PTPRC: variants seen among roughly 807,000 people sequenced by gnomAD.
PTPRC encodes the protein receptor-type tyrosine-protein phosphatase C.
In PTPRC, 44 loss-of-function variants were observed where a neutral mutation model predicts 155.9. The ratio of observed to expected loss-of-function variants is 0.28; its 90% confidence interval spans 0.22 to 0.36. PTPRC has a LOEUF of 0.36. PTPRC is among the 10% of genes least tolerant of loss of function. The probability of loss-of-function intolerance (pLI) is 1.00; values close to 1 mark genes in which losing one functional copy is unlikely to be tolerated. For synonymous variants in PTPRC, 525 were observed against 533.1 expected, an observed-to-expected ratio of 0.98 and a Z score of 0.21; for missense variants, 1,401 against 1,564.6, an observed-to-expected ratio of 0.90 and a Z score of 1.76.
intron 23 of PTPRC, among the ~76,000 whole-genome samples, chr1:198,735,806 A>G (rs1057483516): frequency 5.9e-5 from 9 of 151,564 alleles, no homozygotes; most frequent in Non-Finnish European, 1.0e-4. Flanking sequence ...GCAAGTCAAT[A>G]AAGACAGAAA....
intron 27 of PTPRC, 131 bp from the exon 28 acceptor site, chr1:198,749,285 T>A: frequency 1.1e-6 from 1 of 881,462 alleles, no homozygotes; most frequent in Non-Finnish European, 1.8e-6. Context: ...TATAGGATCT[T>A]ATTTCATGTA....
At position 198,734,452 on chromosome 1, in the gene PTPRC, G is replaced by C. The variant is rs751468190; in HGVS notation, c.2277+27G>C. 2.1e-5 allele frequency: 34 copies of C among 1,597,714 alleles called. 1 individual carries two copies. The South Asian group carries it at 2.4e-4, about 11-fold the overall frequency. On this transcript the variant is annotated intron_variant, in intron 22 of 32. Coordinates refer to ENST00000442510, the MANE Select transcript of PTPRC (RefSeq NM_002838.5). ...TAAGAACCAAGAAGATTCATAGTGT[G>C]GGTCTTGGGGTTAGGAAAACAAGGT...
At chr1:198,714,481 A>G (rs2102432859) in intron 12 of PTPRC, among the ~76,000 whole-genome samples, 1 of 152,270 alleles carries the variant, frequency 6.6e-6, no homozygotes, top group Admixed American at 6.5e-5. Flanking sequence ...ACAGCTGTCC[A>G]CATAGAACAC....
At chr1:198,709,864 C>T in intron 11 of PTPRC, 40 bp downstream of exon 11, 2 of 1,600,952 alleles carry the variant, frequency 1.2e-6, no homozygotes, top group Non-Finnish European at 1.7e-6. Context: ...AATTGCTTCT[C>T]TCTTCATGTT....
rs776080378 is a variant in PTPRC at position 198,712,943 on chromosome 1, C to A, written c.1172-10C>A. On this transcript the variant is annotated splice_polypyrimidine_tract_variant and intron_variant, in intron 11 of 32. Coordinates refer to ENST00000442510, the MANE Select transcript of PTPRC (RefSeq NM_002838.5). Reference sequence around the variant, plus strand: ...TTTCATATTACATAACATTCTTATTCTTTTAACAGGTCCAGGAGAGCCTCA... The same window carrying A: ...TTTCATATTACATAACATTCTTATTATTTTAACAGGTCCAGGAGAGCCTCA... 6.2e-7 allele frequency: 1 copy of A among 1,609,600 alleles called. No homozygotes were observed. Among genetic ancestry groups the A allele is most frequent in the East Asian group, 2.2e-5 (1 of 44,792 alleles).
At chr1:198,652,759 T>C (rs1269198773) in intron 2 of PTPRC, among the ~76,000 whole-genome samples, 1 of 151,626 alleles carries the variant, frequency 6.6e-6, no homozygotes, top group Non-Finnish European at 1.5e-5. Context: ...TTCTCACCCA[T>C]AGGAAGATGA....
chr1:198,754,533 T>C lies in PTPRC; in HGVS notation c.3645+129T>C, dbSNP rs572056079. ...TTTTCCCCTTTCCTTTTCTCTTCTC[T>C]ATTTTCTTTCCTATTCTTTTAGCTT... On this transcript the variant is annotated intron_variant, in intron 32 of 32. Transcript: ENST00000442510. 692 of 1,105,422 alleles carry C rather than the reference T, an allele frequency of 6.3e-4. 13 individuals carry two copies. The South Asian group carries it at 9.7e-3, about 15-fold the overall frequency. 68.5% of individuals were successfully genotyped at this position (1,105,422 alleles called of 1,614,324 possible). A position where few individuals can be genotyped will look rare whatever the true frequency, so the allele number is the denominator to read the frequency against.
intron 11 of PTPRC, among the ~76,000 whole-genome samples, chr1:198,710,362 CTG>C: frequency 6.6e-6 from 1 of 152,266 alleles, no homozygotes; most frequent in African/African-American, 2.4e-5. Flanking sequence ...AAACTGGAAA[CTG>C]TAAGTTCCCC....
intron 2 of PTPRC, among the ~76,000 whole-genome samples, chr1:198,690,195 T>G (rs903735986): frequency 8.5e-5 from 13 of 152,294 alleles, no homozygotes; most frequent in African/African-American, 3.1e-4. Context: ...GTGATATGTT[T>G]TGTTCTTCAC....
Position 198,665,079 on chromosome 1 carries a change from C to CCTTTTTTTTT in PTPRC, c.73+25738_73+25739insCTTTTTTTTT, listed in dbSNP as rs1557979011. ...GAGTGTTTTTAGAACATCCCGGCAG[C>CCTTTTTTTTT]ATTTTTTTTTTTTTTTTTTTTTTTT... On this transcript the variant is annotated intron_variant, in intron 2 of 32. Transcript: ENST00000442510. Among the ~76,000 whole-genome samples, 4 of 102,244 alleles carry CCTTTTTTTTT rather than the reference C, an allele frequency of 3.9e-5. 1 individual carries two copies. Among genetic ancestry groups the CCTTTTTTTTT allele is most frequent in the Non-Finnish European group, 4.1e-5 (2 of 49,286 alleles). 67.1% of individuals were successfully genotyped at this position (102,244 alleles called of 152,430 possible).
At position 198,750,539 on chromosome 1, in the gene PTPRC, G is replaced by C. The variant is rs757944444; in HGVS notation, c.3120G>C (p.Lys1040Asn). The change falls in exon 29 of 33, where the codon AAG (lysine) becomes AAC (asparagine). Residue 1040 changes from lysine (K) to asparagine (N), a missense_variant. Physicochemically the swap from Lys to Asn is moderately conservative, Grantham distance 94. Around this residue, in one of 3 missense-constraint regions of PTPRC, gnomAD observed 400 missense variants for 389.5 expected, o/e 1.03. Coordinates refer to ENST00000442510, the MANE Select transcript of PTPRC (RefSeq NM_002838.5). ...EVMIAAQGPLKETIGDFWQMI... is the reference protein window; with the variant it reads ...EVMIAAQGPLNETIGDFWQMI... ...TGATTGCTGCTCAGGGACCACTGAA[G>C]GAGACCATTGGTGACTTTTGGCAGA... is the stretch of plus-strand genomic sequence containing the variant. 1.2e-6 allele frequency: 2 copies of C among 1,612,180 alleles called. No homozygotes were observed. The highest frequency in any genetic ancestry group is 1.7e-6 in the Non-Finnish European group (2 of 1,178,596).
At chr1:198,695,142 A>G (rs1666132274) in intron 3 of PTPRC, 2 of 888,674 alleles carry the variant, frequency 2.3e-6, no homozygotes, top group Admixed American at 1.2e-4. Flanking sequence ...TAGCTTTGAT[A>G]CTAATGAATA....
intron 2 of PTPRC, among the ~76,000 whole-genome samples, chr1:198,671,505 G>A (rs1664645807): frequency 6.6e-6 from 1 of 152,126 alleles, no homozygotes; most frequent in African/African-American, 2.4e-5. Flanking sequence ...CCTCTACTGT[G>A]ATGCTATCAT....
intron 14 of PTPRC, among the ~76,000 whole-genome samples, chr1:198,721,715 T>G (rs943572863): frequency 6.6e-6 from 1 of 152,012 alleles, no homozygotes; most frequent in East Asian, 1.9e-4. Flanking sequence ...GTGATATTTA[T>G]GAATATTCTG....
At chr1:198,736,437 A>G (rs954541907) in intron 23 of PTPRC, among the ~76,000 whole-genome samples, 1 of 151,656 alleles carries the variant, frequency 6.6e-6, no homozygotes, top group African/African-American at 2.4e-5. Context: ...ACAACATATG[A>G]AGTTTGTATT....
At chr1:198,718,690 G>A (rs1009040114) in intron 14 of PTPRC, among the ~76,000 whole-genome samples, 6 of 151,986 alleles carry the variant, frequency 3.9e-5, no homozygotes, top group Admixed American at 3.3e-4. Flanking sequence ...GTACCTTGAG[G>A]TTAGGAAATA....
At chr1:198,746,805 C>G (rs1424431563) in intron 26 of PTPRC, among the ~76,000 whole-genome samples, 1 of 151,820 alleles carries the variant, frequency 6.6e-6, no homozygotes, top group Admixed American at 6.6e-5. Context: ...ACTACACTCA[C>G]AAGAGCACAA....
rs557211214 is a variant in PTPRC, at chr1:198,750,639, G to C, written c.3207+13G>C. ...ACATGGAGACCAGGTTTGTACTTTT[G>C]AGGATTTTCTTTTAAGCCTTTCTGT... is the stretch of plus-strand genomic sequence containing the variant. On this transcript the variant is annotated intron_variant, in intron 29 of 32. Transcript: ENST00000442510. 3.1e-6 allele frequency: 5 copies of C among 1,611,986 alleles called. No homozygotes were observed. The East Asian group carries it at 1.1e-4, about 36-fold the overall frequency.
Position 198,754,413 on chromosome 1 carries a change from C to A in PTPRC, c.3645+9C>A, listed in dbSNP as rs1655530657. The stretch of plus-strand genomic sequence containing the variant: ...GCATGGTTTCCACATTCGTAAGTAT[C>A]CTTCACCATTGCTTTTAACATGCTC... On this transcript the variant is annotated intron_variant, in intron 32 of 32. Transcript: ENST00000442510. 2 of 1,613,198 alleles carry A rather than the reference C, an allele frequency of 1.2e-6. No homozygotes were observed. The highest frequency in any genetic ancestry group is 1.3e-5 in the African/African-American group (1 of 74,886).
Sources: allele counts gnomAD v4.1 joint callset (sites outside exome capture counted in the v4.1 genomes callset), GRCh38; gene constraint gnomAD v4.1.1; regional missense constraint gnomAD v4.1.1; transcripts MANE v1.5; gene names NCBI Gene and HGNC (gene_info 2026-07-23, HGNC 2026-07-21).